ERC2: variants seen among roughly 807,000 people sequenced by gnomAD.
ERC2 encodes the protein ELKS/RAB6-interacting/CAST family member 2.
ERC2 carries 42 observed loss-of-function variants against 114.8 expected under a neutral mutation model. The observed-to-expected ratio is 0.37, with a 90% CI of 0.29 to 0.47. The LOEUF (loss-of-function observed/expected upper bound fraction) is 0.47, where lower values mean the gene tolerates loss of function less well. Ranked by LOEUF, ERC2 falls within the 20% of genes least tolerant of loss-of-function variation. ERC2 has a pLI of 0.99. For missense variants in ERC2, 939 were observed against 1,150.7 expected (o/e 0.82, Z 2.66); for synonymous variants, 454 against 425.5 (o/e 1.07, Z -0.82).
intron 2 of ERC2, among the ~76,000 whole-genome samples, chr3:56,360,061 C>CT (rs5849149): frequency 0.63 from 62,826 of 99,284 alleles, 21,478 homozygotes; most frequent in East Asian, 0.79. Context: ...TAACAAAAAT[C>CT]TTTTTTTTTT....
chr3:55,873,633 C>T (rs756609994), intron 14 of ERC2, among the ~76,000 whole-genome samples: 2 of 152,208 alleles, frequency 1.3e-5, no homozygotes, highest in African/African-American at 2.4e-5. Context: ...CCAGCCTCAA[C>T]CAATCTAGTT....
At chr3:56,237,504 T>C (rs1222671122) in intron 3 of ERC2, among the ~76,000 whole-genome samples, 6 of 152,326 alleles carry the variant, frequency 3.9e-5, no homozygotes, top group African/African-American at 1.4e-4. Context: ...TGTCAGTCAC[T>C]GTAAAAATCT....
At chr3:55,689,638 T>C (rs966695009) in intron 16 of ERC2, among the ~76,000 whole-genome samples, 1 of 152,038 alleles carries the variant, frequency 6.6e-6, no homozygotes, top group Non-Finnish European at 1.5e-5. Flanking sequence ...GGCAATCAAA[T>C]TTCCTTTTGA....
At chr3:55,522,410 T>C (rs1017816547) in intron 17 of ERC2, among the ~76,000 whole-genome samples, 2 of 152,178 alleles carry the variant, frequency 1.3e-5, no homozygotes, top group African/African-American at 4.8e-5. Context: ...AAAGGCAGAT[T>C]CAGTCTGGAT....
rs543192148 is a variant in ERC2 at position 55,706,256 on chromosome 3, T to C, written c.2713-6744A>G. The stretch of plus-strand genomic sequence containing the variant: ...GAAAACTGCCCATTGATGCACCCTT[T>C]GTTGGCCTTTTCCCTTCCCTGTATC... On this transcript the variant is annotated intron_variant, in intron 15 of 17. Transcript: ENST00000288221. Among the ~76,000 whole-genome samples, 192 of 152,314 alleles carry C rather than the reference T, an allele frequency of 1.3e-3. 2 individuals carry two copies. Among genetic ancestry groups the C allele is most frequent in the African/African-American group, 4.5e-3 (187 of 41,566 alleles).
intron 3 of ERC2, among the ~76,000 whole-genome samples, chr3:56,248,966 A>G (rs2051917103): frequency 6.6e-6 from 1 of 152,246 alleles, no homozygotes. Flanking sequence ...AGCACATTAC[A>G]GAGGCCTGGA....
intron 2 of ERC2, among the ~76,000 whole-genome samples, chr3:56,377,071 T>C (rs902872367): frequency 7.9e-5 from 12 of 152,312 alleles, no homozygotes; most frequent in African/African-American, 2.4e-4. Flanking sequence ...ATGAACTGTT[T>C]ACTGTCCTGT....
intron 7 of ERC2, among the ~76,000 whole-genome samples, chr3:56,072,583 A>G (rs2076788612): frequency 6.6e-6 from 1 of 152,222 alleles, no homozygotes; most frequent in African/African-American, 2.4e-5. Context: ...TTAAATCTAC[A>G]TTCAATCTAC....
At chr3:56,339,899 T>TC (rs1170016991) in intron 2 of ERC2, among the ~76,000 whole-genome samples, 2 of 152,100 alleles carry the variant, frequency 1.3e-5, no homozygotes, top group Admixed American at 1.3e-4. Flanking sequence ...CACCACAGCC[T>TC]CCGGGCTCAT....
intron 13 of ERC2, among the ~76,000 whole-genome samples, chr3:55,946,144 C>T (rs1187065409): frequency 6.6e-6 from 1 of 151,990 alleles, no homozygotes; most frequent in Non-Finnish European, 1.5e-5. Flanking sequence ...GTGTGAATCT[C>T]TGGAAAGACA....
chr3:55,592,965 C>A (rs1284920164), intron 17 of ERC2, among the ~76,000 whole-genome samples: 1 of 152,124 alleles, frequency 6.6e-6, no homozygotes, highest in Non-Finnish European at 1.5e-5. Context: ...AATTTTTTTC[C>A]TATGTCCTTC....
At chr3:56,016,573 T>C (rs1340536550) in intron 8 of ERC2, among the ~76,000 whole-genome samples, 1 of 152,026 alleles carries the variant, frequency 6.6e-6, no homozygotes, top group African/African-American at 2.4e-5. Context: ...AAAGTGCAGA[T>C]TCCCAGGCCC....
intron 17 of ERC2, among the ~76,000 whole-genome samples, chr3:55,629,494 C>T (rs2059657849): frequency 6.6e-6 from 1 of 152,240 alleles, no homozygotes; most frequent in Admixed American, 6.5e-5. Flanking sequence ...CAAGGTTTCT[C>T]ATAATATTCC....
At chr3:56,010,162 C>T (rs955411407) in intron 9 of ERC2, among the ~76,000 whole-genome samples, 5 of 152,066 alleles carry the variant, frequency 3.3e-5, no homozygotes, top group African/African-American at 1.2e-4. Flanking sequence ...GTGAAAAATA[C>T]AGAATCCTTT....
chr3:56,220,632 C>T (rs1233457362), intron 3 of ERC2, among the ~76,000 whole-genome samples: 3 of 152,212 alleles, frequency 2.0e-5, no homozygotes, highest in Non-Finnish European at 2.9e-5. Context: ...TGAACAGTGC[C>T]GCTGGCTCCA....
intron 17 of ERC2, among the ~76,000 whole-genome samples, chr3:55,531,057 T>C (rs2053634957): frequency 6.6e-6 from 1 of 152,112 alleles, no homozygotes; most frequent in Non-Finnish European, 1.5e-5. Context: ...TTCCAAGTCT[T>C]TTTGCCCTTT....
chr3:56,249,642 C>T (rs1330820114), intron 3 of ERC2, among the ~76,000 whole-genome samples: 5 of 151,372 alleles, frequency 3.3e-5, no homozygotes, highest in African/African-American at 9.7e-5. Flanking sequence ...ACCTGTTTAA[C>T]CTTTCTAACC....
At chr3:55,758,456 C>G (rs867363500) in intron 14 of ERC2, among the ~76,000 whole-genome samples, 3 of 152,170 alleles carry the variant, frequency 2.0e-5, no homozygotes, top group Non-Finnish European at 4.4e-5. Context: ...TCTTCTCTGA[C>G]GGGTATCACC....
chr3:55,606,990 A>G (rs187520353), intron 17 of ERC2: 4 of 152,554 alleles, frequency 2.6e-5, no homozygotes, highest in African/African-American at 9.6e-5. Context: ...AATTATGAAA[A>G]TTATAAGCAA....
Sources: gnomAD v4.1 joint callset for allele counts (sites outside exome capture counted in the v4.1 genomes callset) on GRCh38, gnomAD v4.1.1 for gene constraint, MANE v1.5 for transcripts, NCBI Gene and HGNC (gene_info 2026-07-23, HGNC 2026-07-21) for gene names.